Variants in RCBTB1 observed in about 807,000 individuals in gnomAD.
The protein encoded by RCBTB1 is RCC1 and BTB domain-containing protein 1.
Under a neutral mutation model 62.4 loss-of-function variants are expected in RCBTB1, and 46 were observed. That is an observed-to-expected ratio of 0.74 (90% confidence interval 0.58 to 0.94). The LOEUF is 0.94. Ranked by LOEUF, RCBTB1 falls within the 40% of genes least tolerant of loss-of-function variation. The pLI is 0.00. For missense variants in RCBTB1, 565 were observed against 654.9 expected, an observed-to-expected ratio of 0.86 and a Z score of 1.50; for synonymous variants, 222 against 245.8, an observed-to-expected ratio of 0.90 and a Z score of 0.91.
At chr13:49,565,095 G>C (rs1458603929) in intron 4 of RCBTB1, among the ~76,000 whole-genome samples, 39 of 152,104 alleles carry the variant, frequency 2.6e-4, no homozygotes, top group Non-Finnish European at 1.9e-4. Context: ...CTGCCATCTC[G>C]GCTCACTGCA....
intron 4 of RCBTB1, among the ~76,000 whole-genome samples, chr13:49,562,776 CTTTTT>C (rs58896397): frequency 0.28 from 17,378 of 61,524 alleles, 2,378 homozygotes; most frequent in South Asian, 0.57. Flanking sequence ...CCATCCCCGG[CTTTTT>C]TTTTTTTTTT....
chr13:49,545,284 C>T (rs1029351131), intron 9 of RCBTB1, among the ~76,000 whole-genome samples: 71 of 152,160 alleles, frequency 4.7e-4, no homozygotes, highest in Middle Eastern at 3.4e-3. Flanking sequence ...TCAGCATACC[C>T]AACTCAAGGA....
intron 2 of RCBTB1, among the ~76,000 whole-genome samples, chr13:49,568,833 G>A (rs576748430): frequency 1.4e-4 from 21 of 152,166 alleles, no homozygotes; most frequent in Non-Finnish European, 2.8e-4. Flanking sequence ...GGAGGCTGAG[G>A]CAGGAGAATC....
intron 9 of RCBTB1, chr13:49,546,076 G>C (rs1960761448): frequency 2.0e-6 from 2 of 984,990 alleles, no homozygotes; most frequent in South Asian, 4.7e-5. Flanking sequence ...ATCACTGGTG[G>C]GTAAAAGAAT....
chr13:49,582,292 G>C (rs1049480134), intron 1 of RCBTB1, among the ~76,000 whole-genome samples: 9 of 152,138 alleles, frequency 5.9e-5, no homozygotes, highest in Non-Finnish European at 1.5e-5. Context: ...TTCGAGACCG[G>C]CCTGGCCAAC....
Position 49,534,193 on chromosome 13 carries a change from A to C in RCBTB1, c.1525T>G (p.Trp509Gly), listed in dbSNP as rs769434044. 18 of 1,614,076 alleles carry C rather than the reference A, an allele frequency of 1.1e-5. No homozygotes were observed. The African/African-American group carries it at 2.3e-4, about 20-fold the overall frequency. ...LTEVTQTAAF[W>G]QMDGPLLKEF... ...TTTAGCAGAGGGCCATCCATTTGCC[A>C]AAATGCTGCAGTCTGTGTAACTTCT... Residue 509 changes from tryptophan to glycine, a missense_variant, in exon 13 of 13, where the codon TGG becomes GGG. Physicochemically the swap from Trp to Gly is radical, Grantham distance 184 (BLOSUM62 -2). Transcript: ENST00000378302.
chr13:49,549,437 G>A (rs1961126502), intron 9 of RCBTB1, 21 bp downstream of exon 9: 1 of 1,590,526 alleles, frequency 6.3e-7, no homozygotes, highest in Non-Finnish European at 8.6e-7. Context: ...CCTGGGTGGA[G>A]GTGGCCCTGC....
At chr13:49,578,443 A>G (rs951145239) in intron 2 of RCBTB1, among the ~76,000 whole-genome samples, 1 of 152,242 alleles carries the variant, frequency 6.6e-6, no homozygotes. Context: ...TTCTTCTGCA[A>G]TGACCCCAGA....
At chr13:49,565,126 T>C (rs930233397) in intron 4 of RCBTB1, among the ~76,000 whole-genome samples, 11 of 152,172 alleles carry the variant, frequency 7.2e-5, no homozygotes, top group African/African-American at 2.4e-4. Context: ...CTGATTCTCC[T>C]GCCTCAGCCT....
chr13:49,541,647 G>A (rs1470385047), intron 11 of RCBTB1, 29 bp downstream of exon 11: 2 of 1,582,168 alleles, frequency 1.3e-6, no homozygotes, highest in African/African-American at 1.4e-5. Flanking sequence ...CCACCATGCG[G>A]CTCGTCCATC....
At chr13:49,558,011 A>G (rs1296508206) in intron 5 of RCBTB1, among the ~76,000 whole-genome samples, 1 of 152,246 alleles carries the variant, frequency 6.6e-6, no homozygotes, top group African/African-American at 2.4e-5. Flanking sequence ...TGTGGCTTAC[A>G]GCAGGTCCTT....
At chr13:49,568,313 A>G (rs1339667505) in intron 2 of RCBTB1, among the ~76,000 whole-genome samples, 1 of 152,266 alleles carries the variant, frequency 6.6e-6, no homozygotes, top group Admixed American at 6.5e-5. Flanking sequence ...ATTTAAGTCA[A>G]TTCCAGTCTT....
rs1416994949 is a variant in RCBTB1, at chr13:49,585,444, C to G, written c.-122G>C. 2 of 152,340 alleles carry G rather than the reference C, an allele frequency of 1.3e-5. No individual in the cohort carries two copies. The highest frequency in any genetic ancestry group is 2.9e-5 in the Non-Finnish European group (2 of 68,146). The allele number at this position is 152,340 out of a possible 1,614,324, so 9.4% of individuals were successfully genotyped here. A position where few individuals can be genotyped will look rare whatever the true frequency, so the allele number is the denominator to read the frequency against. On this transcript the variant is annotated splice_region_variant and 5_prime_UTR_variant, in exon 1 of 13. Coordinates refer to ENST00000378302, the MANE Select transcript of RCBTB1 (RefSeq NM_018191.4). ...GCTCGACCCCGCGCCCACACGCTAC[C>G]TGCGAGGTCAGCTGCTGCCGCGCCG...
Position 49,534,202 on chromosome 13 carries a change from C to A in RCBTB1, c.1516G>T (p.Ala506Ser). 1 of 1,614,088 alleles carries A rather than the reference C, an allele frequency of 6.2e-7. No homozygotes were observed. The highest frequency in any genetic ancestry group is 1.1e-5 in the South Asian group (1 of 91,076). ...GGGCCATCCATTTGCCAAAATGCTG[C>A]AGTCTGTGTAACTTCTGTCAAATGA... ...INHLTEVTQT[A>S]AFWQMDGPLL... Residue 506 changes from alanine to serine, a missense_variant, in exon 13 of 13, where the codon GCA (alanine) becomes TCA (serine). Transcript: ENST00000378302.
At chr13:49,567,078 A>G in intron 3 of RCBTB1, 76 bp downstream of exon 3, 5 of 1,390,576 alleles carry the variant, frequency 3.6e-6, no homozygotes, top group South Asian at 2.5e-5. Flanking sequence ...CCTTTTCTCC[A>G]TCTTTGAACT....
intron 9 of RCBTB1, among the ~76,000 whole-genome samples, chr13:49,547,438 G>C (rs1960894325): frequency 6.6e-6 from 1 of 152,124 alleles, no homozygotes; most frequent in Admixed American, 6.6e-5. Context: ...TTCAAGCACA[G>C]AGCATCATGA....
In RCBTB1 at chr13:49,549,482, C is replaced by T. The variant is rs778463542; in HGVS notation, c.1021G>A (p.Val341Ile). ...CCCACAGACAGGAGGCGCCACGAGA[C>T]GGCGGGAGTGGCAAAGCAGGCAAAC... The part of the protein sequence containing the change: ...DVFACFATPA[V>I]SWRLLSVEHE... Residue 341 changes from valine (V) to isoleucine (I), a missense_variant, in exon 9 of 13, where the codon GTC becomes ATC. Coordinates refer to ENST00000378302, the MANE Select transcript of RCBTB1 (RefSeq NM_018191.4). 4.3e-6 allele frequency: 7 copies of T among 1,612,102 alleles called. No homozygotes were observed. Among genetic ancestry groups the T allele is most frequent in the East Asian group, 2.2e-5 (1 of 44,760 alleles).
chr13:49,558,492 G>C (rs1962131766), intron 5 of RCBTB1, among the ~76,000 whole-genome samples: 1 of 152,030 alleles, frequency 6.6e-6, no homozygotes, highest in African/African-American at 2.4e-5. Context: ...AGGAGTTCGA[G>C]ACCAGCCTGG....
intron 3 of RCBTB1, 27 bp downstream of exon 3, chr13:49,567,127 C>T (rs374300740): frequency 7.7e-5 from 124 of 1,610,894 alleles, no homozygotes; most frequent in African/African-American, 5.4e-4. Flanking sequence ...AGTCCTAAAA[C>T]GAAACTAGGT....
Sources: gnomAD v4.1 joint callset for allele counts (sites outside exome capture counted in the v4.1 genomes callset) on GRCh38, gnomAD v4.1.1 for gene constraint, MANE v1.5 for transcripts, NCBI Gene and HGNC (gene_info 2026-07-23, HGNC 2026-07-21) for gene names.